PSMB1: variants seen among roughly 807,000 people sequenced by gnomAD.
PSMB1 encodes proteasome subunit beta type-1.
Under a neutral mutation model 25.4 loss-of-function variants are expected in PSMB1, and 7 were observed. The ratio of observed to expected loss-of-function variants is 0.28; its 90% CI spans 0.16 to 0.52. The LOEUF (loss-of-function observed/expected upper bound fraction) is 0.52. Ranked by LOEUF, PSMB1 falls within the 20% of genes least tolerant of loss-of-function variation. PSMB1 has a pLI of 0.97. For missense variants in PSMB1, 284 were observed against 302.2 expected (o/e 0.94, Z 0.45); for synonymous variants, 119 against 115.0 (o/e 1.03, Z -0.22).
chr6:170,553,156 T>A lies in PSMB1; in HGVS notation c.87A>T (p.Arg29=). Residue 29 remains arginine, a synonymous_variant, in exon 1 of 6, where the codon CGA becomes CGT. Coordinates refer to ENST00000262193, the MANE Select transcript of PSMB1 (RefSeq NM_002793.4). ...PHRAAGPLQL[R]FSPYVFNGGT... Reference sequence around the variant, plus strand: ...CTCCGTTGAAAACGTAGGGCGAAAATCGCAGCTGCAAAGGGCCCGCGGCTC... The same window carrying A: ...CTCCGTTGAAAACGTAGGGCGAAAAACGCAGCTGCAAAGGGCCCGCGGCTC... 1 of 1,613,292 alleles carries A rather than the reference T, an allele frequency of 6.2e-7. No homozygotes were observed. Among genetic ancestry groups the A allele is most frequent in the Non-Finnish European group, 8.5e-7 (1 of 1,179,700 alleles).
In PSMB1 at chr6:170,549,131, A is replaced by G. The variant is rs1171108127; in HGVS notation, c.114-18T>C. On this transcript the variant is annotated intron_variant, in intron 1 of 5. Transcript: ENST00000262193. ...GTATAGTACTGAGGAAAAAAGAAAA[A>G]AATTAATTCTCCAGGGTGGTAATCC... The G allele has an allele frequency of 6.8e-7, 1 of 1,475,010 alleles. No individual in the cohort carries two copies. The highest frequency in any genetic ancestry group is 2.3e-5 in the East Asian group (1 of 44,150). 91.4% of individuals were successfully genotyped at this position (1,475,010 alleles called of 1,614,324 possible).
chr6:170,543,572 C>G (rs746590058), intron 4 of PSMB1, 29 bp downstream of exon 4: 4 of 1,577,002 alleles, frequency 2.5e-6, no homozygotes, highest in East Asian at 2.2e-5. Context: ...TCCTCCCCCC[C>G]ACCATTTTCC....
At chr6:170,551,627 C>G (rs1253788291) in intron 1 of PSMB1, among the ~76,000 whole-genome samples, 1 of 152,084 alleles carries the variant, frequency 6.6e-6, no homozygotes. Context: ...CCTTACGAAA[C>G]GGGTCCAATA....
At chr6:170,539,983 AG>A (rs1778737489) in intron 4 of PSMB1, among the ~76,000 whole-genome samples, 1 of 152,370 alleles carries the variant, frequency 6.6e-6, no homozygotes, top group African/African-American at 2.4e-5. Flanking sequence ...ACAGAAAAAC[AG>A]ATACCAAAGT....
intron 3 of PSMB1, among the ~76,000 whole-genome samples, chr6:170,545,733 A>C (rs1461038422): frequency 6.6e-6 from 1 of 152,192 alleles, no homozygotes; most frequent in African/African-American, 2.4e-5. Context: ...TTGTCAACTG[A>C]TGGTGATGCA....
chr6:170,550,884 C>T (rs1373400243), intron 1 of PSMB1, among the ~76,000 whole-genome samples: 1 of 121,498 alleles, frequency 8.2e-6, no homozygotes, highest in Non-Finnish European at 1.6e-5. Flanking sequence ...CACCTGTAAT[C>T]CCAACACTTT....
intron 3 of PSMB1, among the ~76,000 whole-genome samples, chr6:170,545,101 G>A (rs1778802445): frequency 6.6e-6 from 1 of 150,748 alleles, no homozygotes; most frequent in African/African-American, 2.4e-5. Flanking sequence ...CCAAGATCAT[G>A]CCATTGCACT....
At chr6:170,552,243 G>A (rs1422132564) in intron 1 of PSMB1, among the ~76,000 whole-genome samples, 2 of 151,896 alleles carry the variant, frequency 1.3e-5, no homozygotes, top group African/African-American at 4.8e-5. Context: ...AGAACCATCG[G>A]TTCGTTCAAA....
chr6:170,552,380 CA>C (rs1484046424), intron 1 of PSMB1, among the ~76,000 whole-genome samples: 1 of 152,158 alleles, frequency 6.6e-6, no homozygotes, highest in African/African-American at 2.4e-5. Context: ...TCTGGCGTGC[CA>C]CCACGGAAAA....
intron 1 of PSMB1, chr6:170,550,204 C>G (rs1038072011): frequency 6.6e-6 from 1 of 152,166 alleles, no homozygotes; most frequent in African/African-American, 2.4e-5. Context: ...TGCTAAAGCT[C>G]TCAAGAAGAA....
intron 5 of PSMB1, among the ~76,000 whole-genome samples, chr6:170,536,808 C>A (rs754698465): frequency 6.6e-6 from 1 of 152,108 alleles, no homozygotes. Flanking sequence ...TTCCAGTGCT[C>A]GGGGAACTGG....
At position 170,543,605 on chromosome 6, in the gene PSMB1, T is replaced by C; in HGVS notation, c.429A>G (p.Glu143=). The part of the protein sequence containing the change: ...YVYNIIGGLD[E]EGKGAVYSFD... The stretch of plus-strand genomic sequence containing the variant: ...TCCAGAAAGAAGGAATTCTACCTTC[T>C]TCATCAAGTCCACCGATGATGTTGT... Residue 143 remains glutamate, a synonymous_variant, in exon 4 of 6, where the codon GAA becomes GAG. Transcript: ENST00000262193. 1 of 1,607,322 alleles carries C rather than the reference T, an allele frequency of 6.2e-7. No individual in the cohort carries two copies. Among genetic ancestry groups the C allele is most frequent in the Non-Finnish European group, 8.5e-7 (1 of 1,175,562 alleles).
chr6:170,546,561 G>A (rs1778821122), intron 2 of PSMB1, among the ~76,000 whole-genome samples: 1 of 152,164 alleles, frequency 6.6e-6, no homozygotes, highest in Non-Finnish European at 1.5e-5. Context: ...CGCCTCCTGG[G>A]TTCAAGCAAT....
chr6:170,537,162 G>T, intron 5 of PSMB1, 72 bp downstream of exon 5: 1 of 1,170,968 alleles, frequency 8.5e-7, no homozygotes, highest in Non-Finnish European at 1.3e-6. Context: ...AGGAGAACTT[G>T]GAGGAAGGCA....
chr6:170,540,743 AC>A (rs1210662166), intron 4 of PSMB1, among the ~76,000 whole-genome samples: 1 of 152,170 alleles, frequency 6.6e-6, no homozygotes, highest in East Asian at 1.9e-4. Context: ...TTTTAAAAAG[AC>A]AAAAAATAAG....
chr6:170,544,869 G>A (rs1379204518), intron 3 of PSMB1, among the ~76,000 whole-genome samples: 1 of 152,204 alleles, frequency 6.6e-6, no homozygotes, highest in African/African-American at 2.4e-5. Flanking sequence ...GCCGGGCACA[G>A]TGGCTCACTG....
intron 4 of PSMB1, among the ~76,000 whole-genome samples, chr6:170,543,146 G>A (rs893914707): frequency 6.6e-6 from 1 of 152,182 alleles, no homozygotes; most frequent in Non-Finnish European, 1.5e-5. Context: ...GTCTGACTCT[G>A]ACAAAATCAG....
intron 3 of PSMB1, among the ~76,000 whole-genome samples, chr6:170,545,047 G>A (rs1016130378): frequency 6.6e-6 from 1 of 151,886 alleles, no homozygotes; most frequent in South Asian, 2.1e-4. Context: ...GGGAGGCTGT[G>A]GCAGGATAAT....
At chr6:170,550,639 T>TGA (rs1175306433) in intron 1 of PSMB1, among the ~76,000 whole-genome samples, 1 of 152,098 alleles carries the variant, frequency 6.6e-6, no homozygotes, top group Non-Finnish European at 1.5e-5. Context: ...ACATAGTATG[T>TGA]GAAATGGGAC....
Sources: allele counts gnomAD v4.1 joint callset (sites outside exome capture counted in the v4.1 genomes callset), GRCh38; gene constraint gnomAD v4.1.1; transcripts MANE v1.5; gene names NCBI Gene and HGNC (gene_info 2026-07-23, HGNC 2026-07-21).